Variants in RREB1 observed in about 807,000 individuals in gnomAD.
RREB1 encodes ras responsive element binding protein 1, also known as ras-responsive element-binding protein 1.
A neutral mutation model predicts 117.8 loss-of-function variants in RREB1; 27 were observed. The observed-to-expected ratio is 0.23, with a 90% CI of 0.17 to 0.32. RREB1 has a LOEUF of 0.32. Among genes scored for constraint, RREB1 ranks in the 10% least tolerant of loss-of-function variants. The pLI, the probability that RREB1 is intolerant of heterozygous loss-of-function variation, is 1.00. For missense variants in RREB1, 2,577 were observed against 2,378.2 expected (o/e 1.08, Z -1.74); for synonymous variants, 1,298 against 1,026.7 (o/e 1.26, Z -5.05).
intron 1 of RREB1, among the ~76,000 whole-genome samples, chr6:7,132,059 G>GGTTT (rs1234150340): frequency 2.6e-5 from 4 of 151,618 alleles, no homozygotes; most frequent in Non-Finnish European, 5.9e-5. Flanking sequence ...GGGTTTTTTT[G>GGTTT]GTTTGTTTGT....
At chr6:7,194,682 C>T (rs1561773928) in intron 6 of RREB1, among the ~76,000 whole-genome samples, 1 of 152,128 alleles carries the variant, frequency 6.6e-6, no homozygotes, top group Non-Finnish European at 1.5e-5. Context: ...TTGTGGAAAT[C>T]TCTTAAATTT....
intron 1 of RREB1, among the ~76,000 whole-genome samples, chr6:7,141,693 A>G (rs374352583): frequency 6.6e-6 from 1 of 152,262 alleles, no homozygotes; most frequent in East Asian, 1.9e-4. Flanking sequence ...TTTAAAAGAA[A>G]AACCACGTAT....
At position 7,126,148 on chromosome 6, in the gene RREB1, C is replaced by CAT. The variant is rs1561730606; in HGVS notation, c.-285+18088_-285+18089insAT. ...TCCTGAGTAGCTGGGATTACAGGTG[C>CAT]GCACCACCACACCCAGCTAATTTTT... On this transcript the variant is annotated intron_variant, in intron 1 of 12. Transcript: ENST00000379938. 1.2e-4 allele frequency among the ~76,000 whole-genome samples: 18 copies of CAT among 152,134 alleles called. No homozygotes were observed. In the East Asian group the frequency reaches 3.5e-3, roughly 29 times the overall value.
intron 3 of RREB1, 27 bp downstream of exon 3, chr6:7,181,273 C>T (rs1348808732): frequency 2.5e-6 from 1 of 398,722 alleles, no homozygotes; most frequent in Non-Finnish European, 4.4e-6. Flanking sequence ...CGGGAGGGTT[C>T]TTCTTTCCCT....
At chr6:7,155,511 CT>C (rs1277623020) in intron 1 of RREB1, among the ~76,000 whole-genome samples, 20 of 152,206 alleles carry the variant, frequency 1.3e-4, no homozygotes, top group African/African-American at 4.8e-4. Context: ...GGGTTTCACC[CT>C]GTTGGCCTGG....
In RREB1 at chr6:7,240,582, T is replaced by G; in HGVS notation, c.3953T>G (p.Val1318Gly). ...GLIPQSKESD[V>G]GSHDSTDSQS... is the part of the protein sequence containing the mutation. ...ATCCCCCAGTCAAAAGAGAGTGATG[T>G]TGGATCCCATGATAGCACAGGTAGT... The change falls in exon 11 of 13, where the codon GTT becomes GGT. Residue 1318 changes from valine to glycine, a missense_variant. By Grantham distance (109) the Val-to-Gly change is moderately radical (BLOSUM62 -3). Coordinates refer to ENST00000379938, the MANE Select transcript of RREB1 (RefSeq NM_001003699.4). 1 of 1,613,480 alleles carries G rather than the reference T, an allele frequency of 6.2e-7. No homozygotes were observed. Among genetic ancestry groups the G allele is most frequent in the Non-Finnish European group, 8.5e-7 (1 of 1,179,750 alleles).
At chr6:7,231,952 G>A in intron 10 of RREB1, 45 bp downstream of exon 10, 1 of 1,530,530 alleles carries the variant, frequency 6.5e-7, no homozygotes, top group Non-Finnish European at 8.8e-7. Flanking sequence ...CTACTTCCTG[G>A]TAGGGGGAGC....
intron 10 of RREB1, among the ~76,000 whole-genome samples, 180 bp downstream of exon 10, chr6:7,232,087 T>C (rs1344715088): frequency 2.6e-5 from 4 of 152,202 alleles, no homozygotes; most frequent in Admixed American, 6.5e-5. Flanking sequence ...GTGCTCTCAG[T>C]ACCCACATGG....
At chr6:7,242,041 T>A (rs1160562975) in intron 11 of RREB1, among the ~76,000 whole-genome samples, 2 of 152,228 alleles carry the variant, frequency 1.3e-5, no homozygotes, top group East Asian at 3.8e-4. Flanking sequence ...TACCTGTTAG[T>A]CTGGAACATT....
At chr6:7,136,592 G>A (rs1762356738) in intron 1 of RREB1, among the ~76,000 whole-genome samples, 2 of 152,198 alleles carry the variant, frequency 1.3e-5, no homozygotes. Flanking sequence ...ATTATTTGAG[G>A]AGGAGGTCAT....
chr6:7,241,732 C>A (rs1768717189), intron 11 of RREB1, among the ~76,000 whole-genome samples: 1 of 152,162 alleles, frequency 6.6e-6, no homozygotes, highest in Admixed American at 6.5e-5. Flanking sequence ...CCCACTGAGC[C>A]CTAGTGAAAC....
intron 8 of RREB1, among the ~76,000 whole-genome samples, chr6:7,220,400 T>C (rs1767178970): frequency 6.6e-6 from 1 of 152,188 alleles, no homozygotes; most frequent in East Asian, 1.9e-4. Context: ...AATCTGTCAT[T>C]TGGAGATTTT....
At chr6:7,169,413 G>A (rs1043488077) in intron 1 of RREB1, among the ~76,000 whole-genome samples, 10 of 152,218 alleles carry the variant, frequency 6.6e-5, no homozygotes, top group Non-Finnish European at 1.0e-4. Flanking sequence ...ACATGTTTCT[G>A]CTAAGTTAGG....
Position 7,123,799 on chromosome 6 carries a change from G to A in RREB1, c.-285+15739G>A, listed in dbSNP as rs181425562. ...CTAATTTTTTTGTATTTTTAATAGC[G>A]ATGGGGTTTCACTGTGTTAGCCAGG... On this transcript the variant is annotated intron_variant, in intron 1 of 12. Transcript: ENST00000379938. Among the ~76,000 whole-genome samples, 87 of 152,094 alleles carry A rather than the reference G, an allele frequency of 5.7e-4. 2 individuals are homozygous for A. The South Asian group carries it at 6.9e-3, about 12-fold the overall frequency.
At chr6:7,178,581 A>G (rs1764627917) in intron 2 of RREB1, among the ~76,000 whole-genome samples, 1 of 152,274 alleles carries the variant, frequency 6.6e-6, no homozygotes, top group African/African-American at 2.4e-5. Context: ...AGAAGACATA[A>G]GAACAAACTG....
chr6:7,147,396 C>A (rs972302490), intron 1 of RREB1, among the ~76,000 whole-genome samples: 1 of 152,174 alleles, frequency 6.6e-6, no homozygotes, highest in Non-Finnish European at 1.5e-5. Flanking sequence ...GTTTTCTTTT[C>A]CTTCCTTCTC....
chr6:7,233,076 AG>A (rs1768100785), intron 10 of RREB1, among the ~76,000 whole-genome samples: 1 of 152,046 alleles, frequency 6.6e-6, no homozygotes, highest in East Asian at 1.9e-4. Flanking sequence ...TTGTATTTTT[AG>A]TAGAGATGGG....
chr6:7,108,236 C>G (rs888433612), intron 1 of RREB1, among the ~76,000 whole-genome samples, 176 bp downstream of exon 1: 2 of 152,122 alleles, frequency 1.3e-5, no homozygotes, highest in Non-Finnish European at 2.9e-5. Flanking sequence ...CGCCCCACTC[C>G]GCGCAGCGTG....
chr6:7,248,198 A>C (rs1769215853), intron 12 of RREB1, among the ~76,000 whole-genome samples: 1 of 152,162 alleles, frequency 6.6e-6, no homozygotes, highest in Non-Finnish European at 1.5e-5. Context: ...ATTCCTTCCC[A>C]GTCTCTGGTC....
Sources: allele counts gnomAD v4.1 joint callset (sites outside exome capture counted in the v4.1 genomes callset), GRCh38; gene constraint gnomAD v4.1.1; transcripts MANE v1.5; gene names NCBI Gene and HGNC (gene_info 2026-07-23, HGNC 2026-07-21).